PDE7B: variants seen among roughly 807,000 people sequenced by gnomAD.
The protein encoded by PDE7B is phosphodiesterase 7B.
Under a neutral mutation model 56.2 loss-of-function variants are expected in PDE7B, and 29 were observed. The observed-to-expected ratio is 0.52, with a 90% CI of 0.38 to 0.70. The LOEUF (loss-of-function observed/expected upper bound fraction) is 0.70. PDE7B is among the 30% of genes least tolerant of loss of function. PDE7B has a pLI of 0.00. For synonymous variants in PDE7B, 197 were observed against 196.9 expected (o/e 1.00, Z 0.00); for missense variants, 490 against 565.0 (o/e 0.87, Z 1.35).
At chr6:135,860,623 G>A (rs1047515505) in intron 1 of PDE7B, among the ~76,000 whole-genome samples, 2 of 151,954 alleles carry the variant, frequency 1.3e-5, no homozygotes, top group Non-Finnish European at 2.9e-5. Flanking sequence ...TTATTTGTTA[G>A]ATTAAGGTGT....
chr6:136,063,858 G>A lies in PDE7B; in HGVS notation c.83-44873G>A, dbSNP rs148709864. On this transcript the variant is annotated intron_variant, in intron 2 of 12. Transcript: ENST00000308191. ...ATCCTTCAAGAATCAGCCCTACCCC[G>A]TCACCCATAGCACCTTCTAGCTTAT... 2.0e-4 allele frequency among the ~76,000 whole-genome samples: 31 copies of A among 152,050 alleles called. No homozygotes were observed. The East Asian group carries it at 2.5e-3, about 12-fold the overall frequency.
At chr6:135,996,133 C>T (rs895919164) in intron 2 of PDE7B, among the ~76,000 whole-genome samples, 1 of 152,184 alleles carries the variant, frequency 6.6e-6, no homozygotes, top group African/African-American at 2.4e-5. Context: ...ACATCAATTT[C>T]CTAGTGTCAA....
chr6:136,030,176 A>G lies in PDE7B; in HGVS notation c.83-78555A>G, dbSNP rs187147830. ...GGAAAGACAATGGAAAAAATAACAC[A>G]GTGAACTGTGTTTCCAATTACCAGC... is the stretch of plus-strand genomic sequence containing the variant. On this transcript the variant is annotated intron_variant, in intron 2 of 12. Transcript: ENST00000308191. Among the ~76,000 whole-genome samples the G allele has an allele frequency of 2.3e-4, 35 of 152,304 alleles. 1 individual carries two copies. The East Asian group carries it at 5.4e-3, about 23-fold the overall frequency.
At chr6:136,109,367 G>A (rs2128217999) in intron 3 of PDE7B, among the ~76,000 whole-genome samples, 1 of 152,284 alleles carries the variant, frequency 6.6e-6, no homozygotes, top group South Asian at 2.1e-4. Flanking sequence ...CAAAAACTGT[G>A]ATGCCCTATA....
intron 1 of PDE7B, among the ~76,000 whole-genome samples, chr6:135,879,476 C>CA (rs1035272031): frequency 6.6e-6 from 1 of 151,898 alleles, no homozygotes; most frequent in Non-Finnish European, 1.5e-5. Context: ...GTAAGACTGG[C>CA]AAAAACAGTG....
chr6:135,876,157 C>T (rs1389123744), intron 1 of PDE7B, among the ~76,000 whole-genome samples: 1 of 152,124 alleles, frequency 6.6e-6, no homozygotes, highest in Non-Finnish European at 1.5e-5. Context: ...CTCCTGGGGA[C>T]CTGCTAAGTA....
chr6:135,910,645 G>A (rs973691836), intron 1 of PDE7B, among the ~76,000 whole-genome samples: 1 of 152,054 alleles, frequency 6.6e-6, no homozygotes, highest in Non-Finnish European at 1.5e-5. Flanking sequence ...CATTCTATGA[G>A]TTTGGAAAAA....
chr6:136,169,827 A>G (rs1041133531), intron 8 of PDE7B, among the ~76,000 whole-genome samples: 2 of 152,214 alleles, frequency 1.3e-5, no homozygotes, highest in African/African-American at 2.4e-5. Flanking sequence ...GCTCATGCCC[A>G]AAAGGAAATA....
intron 2 of PDE7B, among the ~76,000 whole-genome samples, chr6:136,069,710 T>G (rs941761844): frequency 3.3e-5 from 5 of 152,244 alleles, no homozygotes; most frequent in Non-Finnish European, 5.9e-5. Flanking sequence ...AAAATTATCT[T>G]CAATTTTTGT....
At chr6:135,989,995 A>C (rs1019640103) in intron 2 of PDE7B, among the ~76,000 whole-genome samples, 3 of 152,196 alleles carry the variant, frequency 2.0e-5, no homozygotes, top group African/African-American at 7.2e-5. Flanking sequence ...TAAAGCAAAT[A>C]TGTGGATAAT....
intron 1 of PDE7B, among the ~76,000 whole-genome samples, chr6:135,885,091 C>A (rs1775678747): frequency 6.6e-6 from 1 of 152,102 alleles, no homozygotes; most frequent in Admixed American, 6.6e-5. Flanking sequence ...CCTCCACTCT[C>A]CTGGTTTTCT....
At chr6:136,065,104 C>G (rs1341709517) in intron 2 of PDE7B, among the ~76,000 whole-genome samples, 1 of 152,174 alleles carries the variant, frequency 6.6e-6, no homozygotes, top group East Asian at 1.9e-4. Flanking sequence ...ACTTGAACCT[C>G]TCTGGGACTA....
chr6:136,140,403 A>G (rs1272464887), intron 3 of PDE7B, among the ~76,000 whole-genome samples: 4 of 152,206 alleles, frequency 2.6e-5, no homozygotes, highest in South Asian at 4.1e-4. Flanking sequence ...GTCAGGTAGC[A>G]TGATGCCTCC....
rs60829896 is a variant in PDE7B, at chr6:135,935,190, T to TTATATATATATATATATA, written c.22-12264_22-12247dup. On this transcript the variant is annotated intron_variant, in intron 1 of 12. Transcript: ENST00000308191. ...GAGAATTTTATATATATATATTTAT[T>TTATATATATATATATATA]TATATATATATATATATATATATAT... is the stretch of plus-strand genomic sequence containing the variant. 9.2e-3 allele frequency among the ~76,000 whole-genome samples: 331 copies of TTATATATATATATATATA among 36,148 alleles called. 16 individuals carry two copies. Among genetic ancestry groups the TTATATATATATATATATA allele is most frequent in the African/African-American group, 0.019 (157 of 8,346 alleles). 23.7% of individuals were successfully genotyped at this position (36,148 alleles called of 152,430 possible). A position where few individuals can be genotyped will look rare whatever the true frequency, so the allele number is the denominator to read the frequency against.
chr6:136,151,542 A>G (rs997574213), intron 6 of PDE7B, among the ~76,000 whole-genome samples: 32 of 152,208 alleles, frequency 2.1e-4, no homozygotes, highest in Admixed American at 8.5e-4. Flanking sequence ...CCTAACTACT[A>G]ATAGCTTACT....
At chr6:136,063,186 G>A (rs919442438) in intron 2 of PDE7B, among the ~76,000 whole-genome samples, 2 of 152,132 alleles carry the variant, frequency 1.3e-5, no homozygotes, top group Non-Finnish European at 2.9e-5. Context: ...AAGTAAATAT[G>A]GGTAAATATT....
At chr6:136,054,250 T>A (rs958529411) in intron 2 of PDE7B, among the ~76,000 whole-genome samples, 2 of 152,178 alleles carry the variant, frequency 1.3e-5, no homozygotes, top group African/African-American at 4.8e-5. Context: ...AAGGAAGGGA[T>A]CCAGTTTCAG....
chr6:135,981,434 T>TAAC (rs1775294389), intron 2 of PDE7B, among the ~76,000 whole-genome samples: 1 of 151,032 alleles, frequency 6.6e-6, no homozygotes, highest in Non-Finnish European at 1.5e-5. Context: ...ACTTAAAGTA[T>TAAC]AATAATAATA....
chr6:136,062,197 TA>T (rs1253850840), intron 2 of PDE7B, among the ~76,000 whole-genome samples: 2 of 152,202 alleles, frequency 1.3e-5, no homozygotes, highest in Non-Finnish European at 2.9e-5. Context: ...TATCCTTTTT[TA>T]AAAATTTTTT....
Sources: gnomAD v4.1 joint callset for allele counts (sites outside exome capture counted in the v4.1 genomes callset) on GRCh38, gnomAD v4.1.1 for gene constraint, MANE v1.5 for transcripts, NCBI Gene and HGNC (gene_info 2026-07-23, HGNC 2026-07-21) for gene names.